Variants in ZFAND3 observed in about 807,000 individuals in gnomAD.
ZFAND3 encodes the protein AN1-type zinc finger protein 3.
ZFAND3 carries 10 observed loss-of-function variants against 29.6 expected under a neutral mutation model. That is an observed-to-expected ratio of 0.34 (90% CI 0.21 to 0.57). The LOEUF (loss-of-function observed/expected upper bound fraction) is 0.57. Ranked by LOEUF, ZFAND3 falls within the 20% of genes least tolerant of loss-of-function variation. The pLI, the probability that ZFAND3 is intolerant of heterozygous loss-of-function variation, is 0.86. For synonymous variants in ZFAND3, 128 were observed against 112.6 expected (o/e 1.14, Z -0.87); for missense variants, 230 against 304.5 (o/e 0.76, Z 1.82).
intron 5 of ZFAND3, among the ~76,000 whole-genome samples, chr6:38,126,926 T>G (rs929713892): frequency 5.9e-5 from 9 of 151,954 alleles, no homozygotes; most frequent in Admixed American, 4.6e-4. Flanking sequence ...TTAGATTGTT[T>G]TTTTTTTTGC....
intron 2 of ZFAND3, among the ~76,000 whole-genome samples, chr6:38,025,868 G>A (rs866844672): frequency 6.6e-6 from 1 of 152,192 alleles, no homozygotes; most frequent in African/African-American, 2.4e-5. Flanking sequence ...CTGCCGGTGG[G>A]AGTTGTCTGG....
chr6:37,938,249 A>G (rs770882453), intron 2 of ZFAND3, among the ~76,000 whole-genome samples: 2 of 152,238 alleles, frequency 1.3e-5, no homozygotes, highest in Non-Finnish European at 2.9e-5. Flanking sequence ...CATTTTAACT[A>G]TAATATTCCA....
At chr6:38,005,152 T>G (rs932003912) in intron 2 of ZFAND3, among the ~76,000 whole-genome samples, 1 of 152,002 alleles carries the variant, frequency 6.6e-6, no homozygotes, top group Non-Finnish European at 1.5e-5. Context: ...TTGCAGAGAG[T>G]CTCTGATAAA....
intron 1 of ZFAND3, among the ~76,000 whole-genome samples, chr6:37,839,448 C>T (rs1294816325): frequency 6.6e-6 from 1 of 151,864 alleles, no homozygotes; most frequent in Non-Finnish European, 1.5e-5. Context: ...TCCCAAAATG[C>T]TGGGATAACA....
chr6:38,117,307 G>T, intron 5 of ZFAND3, among the ~76,000 whole-genome samples: 1 of 122,280 alleles, frequency 8.2e-6, no homozygotes, highest in East Asian at 2.3e-4. Context: ...TCCTGCCTCT[G>T]CCTCACAAAG....
At chr6:37,955,876 A>G (rs754368360) in intron 2 of ZFAND3, among the ~76,000 whole-genome samples, 3 of 152,236 alleles carry the variant, frequency 2.0e-5, no homozygotes, top group Non-Finnish European at 2.9e-5. Context: ...GATGGGAATC[A>G]TATGTAAGGA....
chr6:38,024,140 C>T (rs1763401925), intron 2 of ZFAND3, among the ~76,000 whole-genome samples: 1 of 152,010 alleles, frequency 6.6e-6, no homozygotes, highest in African/African-American at 2.4e-5. Context: ...CCAGCAGTTC[C>T]AATACTAGTT....
intron 2 of ZFAND3, among the ~76,000 whole-genome samples, chr6:38,042,776 G>C (rs547623718): frequency 1.5e-4 from 23 of 152,020 alleles, no homozygotes; most frequent in African/African-American, 5.6e-4. Context: ...AGGTTTATAG[G>C]GTGTATTTTC....
At chr6:37,985,527 A>C (rs903930) in intron 2 of ZFAND3, among the ~76,000 whole-genome samples, 68 of 141,754 alleles carry the variant, frequency 4.8e-4, no homozygotes, top group African/African-American at 1.4e-3. Flanking sequence ...ACACACACAC[A>C]CCCCCACACA....
chr6:37,970,846 G>A (rs558628827), intron 2 of ZFAND3, among the ~76,000 whole-genome samples: 3 of 152,142 alleles, frequency 2.0e-5, no homozygotes, highest in South Asian at 2.1e-4. Context: ...CAGAGCCTGC[G>A]GTGAGCTGAG....
At chr6:37,867,749 T>TTA (rs1448895824) in intron 1 of ZFAND3, among the ~76,000 whole-genome samples, 1 of 152,240 alleles carries the variant, frequency 6.6e-6, no homozygotes, top group East Asian at 1.9e-4. Context: ...TACTCAGTCT[T>TTA]TGATAAAGTT....
chr6:37,923,963 G>T (rs1236858953), intron 1 of ZFAND3, among the ~76,000 whole-genome samples: 3 of 152,046 alleles, frequency 2.0e-5, no homozygotes, highest in Non-Finnish European at 4.4e-5. Context: ...AATTATAAAT[G>T]AGTTTTAGTT....
At chr6:38,079,531 T>G (rs1199325448) in intron 3 of ZFAND3, among the ~76,000 whole-genome samples, 2 of 150,268 alleles carry the variant, frequency 1.3e-5, no homozygotes, top group Non-Finnish European at 3.0e-5. Flanking sequence ...CTAGAACATA[T>G]GTAAATATGT....
Position 38,152,856 on chromosome 6 carries a change from T to C in ZFAND3, c.*467T>C, listed in dbSNP as rs141602812. The stretch of plus-strand genomic sequence containing the variant: ...TTATCCTTAGTCCCAGTAGCCAGGA[T>C]ACCTGATGGCCACGTGTGCCTTGGC... On this transcript the variant is annotated 3_prime_UTR_variant, in exon 6 of 6. Coordinates refer to ENST00000287218, the MANE Select transcript of ZFAND3 (RefSeq NM_021943.3). The C allele has an allele frequency of 4.2e-4, 416 of 986,038 alleles. 3 individuals carry two copies. The African/African-American group carries it at 6.4e-3, about 15-fold the overall frequency. The allele number at this position is 986,038 out of a possible 1,614,324, so 61.1% of individuals were successfully genotyped here. A position where few individuals can be genotyped will look rare whatever the true frequency, so the allele number is the denominator to read the frequency against.
chr6:37,825,616 GT>G (rs1442999605), intron 1 of ZFAND3, among the ~76,000 whole-genome samples: 3 of 151,962 alleles, frequency 2.0e-5, no homozygotes, highest in Admixed American at 1.3e-4. Context: ...GGCTCTTTTG[GT>G]TTTATCATCT....
Position 37,965,482 on chromosome 6 carries a change from G to A in ZFAND3, c.112+35483G>A, listed in dbSNP as rs186632159. Among the ~76,000 whole-genome samples the A allele has an allele frequency of 1.6e-3, 241 of 152,126 alleles. 6 individuals are homozygous for A. The highest frequency in any genetic ancestry group is 0.015 in the Admixed American group (223 of 15,276). ...AGTTCATATATCCATTTCTTGACCC[G>A]GACAGTATACAAGGGACATCTGAGA... On this transcript the variant is annotated intron_variant, in intron 2 of 5. Coordinates refer to ENST00000287218, the MANE Select transcript of ZFAND3 (RefSeq NM_021943.3).
At chr6:37,982,098 A>T (rs1023833779) in intron 2 of ZFAND3, among the ~76,000 whole-genome samples, 1 of 152,036 alleles carries the variant, frequency 6.6e-6, no homozygotes, top group Admixed American at 6.5e-5. Flanking sequence ...AAGCAATCAG[A>T]TGTGCGTTTG....
chr6:38,115,502 G>C (rs978645561), intron 4 of ZFAND3, among the ~76,000 whole-genome samples: 1 of 152,152 alleles, frequency 6.6e-6, no homozygotes, highest in Non-Finnish European at 1.5e-5. Flanking sequence ...AGAAACAAGG[G>C]GATGAGCAGA....
chr6:38,080,490 A>G (rs948823981), intron 3 of ZFAND3, among the ~76,000 whole-genome samples: 3 of 152,100 alleles, frequency 2.0e-5, no homozygotes, highest in Non-Finnish European at 2.9e-5. Flanking sequence ...AATACATAAT[A>G]TAAAGTTTTA....
Sources: gnomAD v4.1 joint callset for allele counts (sites outside exome capture counted in the v4.1 genomes callset) on GRCh38, gnomAD v4.1.1 for gene constraint, MANE v1.5 for transcripts, NCBI Gene and HGNC (gene_info 2026-07-23, HGNC 2026-07-21) for gene names.